Variants in TANGO2 observed in about 807,000 individuals in gnomAD.
The protein encoded by TANGO2 is transport and Golgi organization protein 2 homolog.
Under a neutral mutation model 39.1 loss-of-function variants are expected in TANGO2, and 26 were observed. The observed-to-expected ratio is 0.67, with a 90% CI of 0.49 to 0.92. The LOEUF is 0.92. TANGO2 is among the 40% of genes least tolerant of loss of function. TANGO2 has a pLI of 0.00. For synonymous variants in TANGO2, 131 were observed against 144.5 expected, an observed-to-expected ratio of 0.91 and a Z score of 0.67; for missense variants, 326 against 360.1, an observed-to-expected ratio of 0.91 and a Z score of 0.77.
intron 1 of TANGO2, among the ~76,000 whole-genome samples, chr22:20,032,630 A>AGGGCAGGGGTGG (rs2042082791): frequency 6.6e-6 from 1 of 152,254 alleles, no homozygotes; most frequent in Admixed American, 6.5e-5. Context: ...TGCTGAGCCC[A>AGGGCAGGGGTGG]GGGCAGGGGT....
chr22:20,028,817 A>AGGCCCTGTCAGCAT (rs2041287166), intron 1 of TANGO2, among the ~76,000 whole-genome samples: 1 of 152,154 alleles, frequency 6.6e-6, no homozygotes, highest in Non-Finnish European at 1.5e-5. Flanking sequence ...CCTCCATTTG[A>AGGCCCTGTCAGCAT]GGCCCTGTCA....
In TANGO2 at chr22:20,052,373, G is replaced by C. The variant is rs948389415; in HGVS notation, c.146-92G>C. On this transcript the variant is annotated intron_variant, in intron 3 of 8. Coordinates refer to ENST00000327374, the MANE Select transcript of TANGO2 (RefSeq NM_152906.7). ...CGTCCTCGAGGAGCTTGAGGCAGGA[G>C]CTGGGCCGAGTATGCGTCTCCCAGG... 1.6e-5 allele frequency: 24 copies of C among 1,520,812 alleles called. No individual in the cohort carries two copies. The South Asian group carries it at 3.0e-4, about 19-fold the overall frequency. 94.2% of individuals were successfully genotyped at this position (1,520,812 alleles called of 1,614,324 possible). A position where few individuals can be genotyped will look rare whatever the true frequency, so the allele number is the denominator to read the frequency against.
At chr22:20,056,783 C>G (rs922331003) in intron 6 of TANGO2, 2 of 456,520 alleles carry the variant, frequency 4.4e-6, no homozygotes, top group African/African-American at 4.0e-5. Context: ...CTGTAGGGAC[C>G]ATAGCCTAGG....
At chr22:20,031,661 AAC>A (rs2041898853) in intron 1 of TANGO2, among the ~76,000 whole-genome samples, 1 of 152,178 alleles carries the variant, frequency 6.6e-6, no homozygotes, top group Non-Finnish European at 1.5e-5. Context: ...ACCACATGTG[AAC>A]ACAGTGACCA....
At chr22:20,024,886 C>T (rs957719661) in intron 1 of TANGO2, among the ~76,000 whole-genome samples, 1 of 152,008 alleles carries the variant, frequency 6.6e-6, no homozygotes, top group Non-Finnish European at 1.5e-5. Flanking sequence ...CTGCGACAGC[C>T]CAGCTACACC....
At position 20,021,145 on chromosome 22, in the gene TANGO2, G is replaced by C. The variant is rs907441659; in HGVS notation, c.-141G>C. On this transcript the variant is annotated 5_prime_UTR_variant, in exon 1 of 9. Coordinates refer to ENST00000327374, the MANE Select transcript of TANGO2 (RefSeq NM_152906.7). ...GCGGTGGCGGAGGCGGTGAGTGCGC[G>C]GCTCCGGGGCTGGCCGACTCCGCTA... 3 of 153,372 alleles carry C rather than the reference G, an allele frequency of 2.0e-5. No individual in the cohort carries two copies. The highest frequency in any genetic ancestry group is 6.5e-5 in the Admixed American group (1 of 15,272). The allele number at this position is 153,372 out of a possible 1,614,324, so 9.5% of individuals were successfully genotyped here.
chr22:20,043,170 C>T (rs1415149429), intron 2 of TANGO2, among the ~76,000 whole-genome samples, 185 bp from the exon 3 acceptor site: 4 of 152,214 alleles, frequency 2.6e-5, no homozygotes, highest in Admixed American at 1.3e-4. Context: ...GCTGCAGGCT[C>T]CCGAGAGCTC....
chr22:20,046,302 T>C (rs575249639), intron 3 of TANGO2, among the ~76,000 whole-genome samples: 2 of 151,466 alleles, frequency 1.3e-5, no homozygotes, highest in South Asian at 4.2e-4. Context: ...CACATCACCA[T>C]GCCCAGCTAA....
chr22:20,040,083 A>G (rs2043620350), intron 2 of TANGO2, among the ~76,000 whole-genome samples: 1 of 152,178 alleles, frequency 6.6e-6, no homozygotes, highest in Admixed American at 6.5e-5. Context: ...ACCAGTGATG[A>G]CTGAGAGAGC....
chr22:20,062,325 C>T (rs1372597137), intron 7 of TANGO2, among the ~76,000 whole-genome samples: 1 of 152,140 alleles, frequency 6.6e-6, no homozygotes, highest in African/African-American at 2.4e-5. Flanking sequence ...ACCCATCCCT[C>T]GCTCCCCACC....
intron 5 of TANGO2, chr22:20,054,417 GT>G (rs1022270211): frequency 2.6e-5 from 4 of 153,258 alleles, no homozygotes; most frequent in African/African-American, 4.8e-5. Context: ...GTAGTTCCAT[GT>G]GGGTCTGATT....
chr22:20,031,314 A>G (rs557775823), intron 1 of TANGO2, among the ~76,000 whole-genome samples: 50 of 152,292 alleles, frequency 3.3e-4, no homozygotes, highest in African/African-American at 1.2e-3. Context: ...AGCTATGATC[A>G]CACGACTGCA....
Position 20,055,792 on chromosome 22 carries a change from G to A in TANGO2, c.381-151G>A, listed in dbSNP as rs1602290999. On this transcript the variant is annotated intron_variant, in intron 5 of 8. Transcript: ENST00000327374. ...CCATGACCCCGCCTGCCAGGCACCT[G>A]AGGGGCTGGGTCCTGCAAGCTCCTG... The A allele has an allele frequency of 1.8e-5, 12 of 673,750 alleles. No homozygotes were observed. The East Asian group carries it at 3.3e-4, about 18-fold the overall frequency. The allele number at this position is 673,750 out of a possible 1,614,324, so 41.7% of individuals were successfully genotyped here.
In TANGO2 at chr22:20,065,169, G is replaced by A. The variant is rs1443763466; in HGVS notation, c.*507G>A. 1 of 159,834 alleles carries A rather than the reference G, an allele frequency of 6.3e-6. No individual in the cohort carries two copies. The highest frequency in any genetic ancestry group is 1.4e-5 in the Non-Finnish European group (1 of 72,426). 9.9% of individuals were successfully genotyped at this position (159,834 alleles called of 1,614,324 possible). A position where few individuals can be genotyped will look rare whatever the true frequency, so the allele number is the denominator to read the frequency against. On this transcript the variant is annotated 3_prime_UTR_variant, in exon 9 of 9. Coordinates refer to ENST00000327374, the MANE Select transcript of TANGO2 (RefSeq NM_152906.7). ...ACCTCTCATGTGCTTCTGGCCAGTA[G>A]GTCTTTGTTCTGGTCCAACGACAGG...
rs1051034199 is a variant in TANGO2, at chr22:20,057,784, G to A, written c.451+1771G>A. Among the ~76,000 whole-genome samples the A allele has an allele frequency of 2.0e-5, 3 of 152,184 alleles. No homozygotes were observed. Among genetic ancestry groups the A allele is most frequent in the Non-Finnish European group, 4.4e-5 (3 of 68,028 alleles). ...ATGCTGAGCCTGTGACTGCCCAGGA[G>A]AGAATTGGAAACTAAAAGGTGCAAA... On this transcript the variant is annotated intron_variant, in intron 6 of 8. Transcript: ENST00000327374. The surrounding 1 kb of genome is among the most constrained non-coding windows in gnomAD (Gnocchi z 4.1).
rs2043441918 is a variant in TANGO2, at chr22:20,039,236, G to A, written c.56+2382G>A. On this transcript the variant is annotated intron_variant, in intron 2 of 8. Transcript: ENST00000327374. ...TGCGTGAGCCACCATGCCCGGCCTC[G>A]GCCACTGTATTTGGTAATTTGATAC... 3.3e-5 allele frequency among the ~76,000 whole-genome samples: 5 copies of A among 151,178 alleles called. No individual in the cohort carries two copies. The South Asian group carries it at 8.4e-4, about 25-fold the overall frequency.
At chr22:20,031,698 C>A (rs2146933065) in intron 1 of TANGO2, among the ~76,000 whole-genome samples, 1 of 152,222 alleles carries the variant, frequency 6.6e-6, no homozygotes, top group East Asian at 1.9e-4. Context: ...AAGCTGGCTG[C>A]CCATCACCAG....
chr22:20,032,172 C>T (rs756177236), intron 1 of TANGO2, among the ~76,000 whole-genome samples: 6 of 152,368 alleles, frequency 3.9e-5, no homozygotes, highest in African/African-American at 1.2e-4. Context: ...CCAGGTTTTG[C>T]GTCACCTGCC....
chr22:20,029,267 C>T (rs1009512948), intron 1 of TANGO2, among the ~76,000 whole-genome samples: 12 of 152,062 alleles, frequency 7.9e-5, no homozygotes, highest in African/African-American at 2.7e-4. Context: ...GATTCTAGAG[C>T]GGGGTGGCTC....
Sources: gnomAD v4.1 joint callset for allele counts (sites outside exome capture counted in the v4.1 genomes callset) on GRCh38, gnomAD v4.1.1 for gene constraint, Gnocchi (gnomAD v3.1) non-coding constraint, MANE v1.5 for transcripts, NCBI Gene and HGNC (gene_info 2026-07-23, HGNC 2026-07-21) for gene names.